The following CSMD1 variants were observed in gnomAD, a reference collection of about 807,000 sequenced individuals.
The protein encoded by CSMD1 is CUB and Sushi multiple domains 1.
In CSMD1, 213 loss-of-function variants were observed where a neutral mutation model predicts 417.5. The ratio of observed to expected loss-of-function variants is 0.51; its 90% CI spans 0.46 to 0.57. The LOEUF is 0.57. CSMD1 is among the 20% of genes least tolerant of loss of function. The pLI is 0.00. For missense variants in CSMD1, 6,923 were observed against 4,529.7 expected (o/e 1.53, Z -15.17); for synonymous variants, 2,862 against 1,736.8 (o/e 1.65, Z -16.11).
At chr8:3,591,536 A>T (rs1166916433) in intron 8 of CSMD1, among the ~76,000 whole-genome samples, 1 of 152,176 alleles carries the variant, frequency 6.6e-6, no homozygotes, top group African/African-American at 2.4e-5. Context: ...CTAATGTTCA[A>T]AACAGGAAAT....
intron 6 of CSMD1, among the ~76,000 whole-genome samples, chr8:3,714,088 T>A (rs575430436): frequency 4.3e-4 from 65 of 150,612 alleles, no homozygotes; most frequent in African/African-American, 1.5e-3. Context: ...ATGTATATAA[T>A]CATGTATATA....
At chr8:4,532,220 T>G (rs553838662) in intron 2 of CSMD1, among the ~76,000 whole-genome samples, 1 of 129,878 alleles carries the variant, frequency 7.7e-6, no homozygotes, top group East Asian at 2.4e-4. Context: ...GCACCCCCAT[T>G]CACAGTCACT....
intron 12 of CSMD1, among the ~76,000 whole-genome samples, chr8:3,446,709 A>C (rs749346100): frequency 9.2e-5 from 14 of 152,228 alleles, no homozygotes; most frequent in Non-Finnish European, 1.6e-4. Context: ...CATTCTTGAA[A>C]ACTATTTTAC....
At chr8:4,678,602 A>G (rs561092728) in intron 1 of CSMD1, among the ~76,000 whole-genome samples, 1 of 152,340 alleles carries the variant, frequency 6.6e-6, no homozygotes, top group South Asian at 2.1e-4. Context: ...GAAATAAATT[A>G]CAATATGCAT....
At chr8:3,404,495 C>T (rs529233739) in intron 15 of CSMD1, among the ~76,000 whole-genome samples, 2 of 152,252 alleles carry the variant, frequency 1.3e-5, no homozygotes, top group East Asian at 3.9e-4. Context: ...GACCCCAGCT[C>T]TGCTTAGAGT....
intron 3 of CSMD1, among the ~76,000 whole-genome samples, chr8:4,187,376 G>T (rs771392921): frequency 1.3e-5 from 2 of 152,162 alleles, no homozygotes; most frequent in Admixed American, 6.5e-5. Flanking sequence ...GCCAGGCACG[G>T]TGGCTGATGC....
chr8:3,165,785 G>A (rs918292689), intron 37 of CSMD1, among the ~76,000 whole-genome samples: 2 of 152,042 alleles, frequency 1.3e-5, no homozygotes, highest in Non-Finnish European at 2.9e-5. Flanking sequence ...GACAGTGATG[G>A]GGATGTTAAA....
At chr8:4,462,240 T>C (rs1799880129) in intron 2 of CSMD1, among the ~76,000 whole-genome samples, 1 of 151,892 alleles carries the variant, frequency 6.6e-6, no homozygotes, top group Non-Finnish European at 1.5e-5. Context: ...AAGAAAACAA[T>C]CCCTTTACCA....
chr8:3,567,869 C>T (rs187493945), intron 10 of CSMD1, among the ~76,000 whole-genome samples: 2 of 152,224 alleles, frequency 1.3e-5, no homozygotes, highest in East Asian at 3.9e-4. Context: ...TAGTTGGACT[C>T]CTTATCCTCA....
chr8:4,762,773 G>C (rs765182544), intron 1 of CSMD1, among the ~76,000 whole-genome samples: 1 of 152,014 alleles, frequency 6.6e-6, no homozygotes, highest in Non-Finnish European at 1.5e-5. Flanking sequence ...TCTCCTCTGA[G>C]CTCTTTGAAA....
chr8:3,289,649 C>A (rs1243713809), intron 25 of CSMD1, among the ~76,000 whole-genome samples: 1 of 143,668 alleles, frequency 7.0e-6, no homozygotes, highest in Non-Finnish European at 1.5e-5. Flanking sequence ...TGTTCATATC[C>A]TTTGCCCACT....
At chr8:3,365,333 T>A (rs1222236291) in intron 20 of CSMD1, among the ~76,000 whole-genome samples, 1 of 152,146 alleles carries the variant, frequency 6.6e-6, no homozygotes, top group African/African-American at 2.4e-5. Context: ...CTAGGTAGAA[T>A]TAGAGGGAGT....
intron 5 of CSMD1, among the ~76,000 whole-genome samples, chr8:3,796,591 A>G (rs964026683): frequency 2.7e-5 from 4 of 146,890 alleles, no homozygotes; most frequent in Non-Finnish European, 4.5e-5. Context: ...TAATATATAG[A>G]TATATATCTA....
At chr8:4,747,567 A>G (rs1022920369) in intron 1 of CSMD1, among the ~76,000 whole-genome samples, 6 of 152,202 alleles carry the variant, frequency 3.9e-5, no homozygotes, top group Non-Finnish European at 8.8e-5. Context: ...TACGGTGACT[A>G]TATTGTCACC....
Position 4,078,838 on chromosome 8 carries a change from T to A in CSMD1, c.416-46739A>T, listed in dbSNP as rs371688462. ...ATTACTTGAGGTCAGGAGTTCAAGA[T>A]TATGTTGGCCAACGTAGTGAAAACC... is the stretch of plus-strand genomic sequence containing the variant. On this transcript the variant is annotated intron_variant, in intron 3 of 69. Coordinates refer to ENST00000635120, the MANE Select transcript of CSMD1 (RefSeq NM_033225.6). Among the ~76,000 whole-genome samples, 168 of 146,186 alleles carry A rather than the reference T, an allele frequency of 1.1e-3. 4 individuals are homozygous for A. In the East Asian group the frequency reaches 0.028, roughly 24 times the overall value.
rs183953121 is a variant in CSMD1, at chr8:4,137,735, T to C, written c.416-105636A>G. Among the ~76,000 whole-genome samples the C allele has an allele frequency of 1.3e-4, 11 of 81,848 alleles. 3 individuals are homozygous for C. The highest frequency in any genetic ancestry group is 3.2e-4 in the African/African-American group (11 of 34,544). The allele number at this position is 81,848 out of a possible 152,430, so 53.7% of individuals were successfully genotyped here. A position where few individuals can be genotyped will look rare whatever the true frequency, so the allele number is the denominator to read the frequency against. On this transcript the variant is annotated intron_variant, in intron 3 of 69. Coordinates refer to ENST00000635120, the MANE Select transcript of CSMD1 (RefSeq NM_033225.6). ...AAAGATACTGTATTTCACGATGTTG[T>C]ATTTTATATAAAATTACACTTTCCT...
chr8:4,530,215 C>T (rs903836383), intron 2 of CSMD1, among the ~76,000 whole-genome samples: 21 of 150,648 alleles, frequency 1.4e-4, no homozygotes, highest in African/African-American at 4.6e-4. Flanking sequence ...GCCAGGCCTG[C>T]CATTGTTATT....
At chr8:4,881,134 C>A (rs866855466) in intron 1 of CSMD1, among the ~76,000 whole-genome samples, 22 of 152,042 alleles carry the variant, frequency 1.4e-4, no homozygotes, top group African/African-American at 4.8e-4. Context: ...CAATTATAAT[C>A]TTGATTTAAT....
intron 3 of CSMD1, among the ~76,000 whole-genome samples, chr8:4,198,992 C>G (rs1174505067): frequency 6.6e-6 from 1 of 151,756 alleles, no homozygotes; most frequent in Non-Finnish European, 1.5e-5. Context: ...TCCTGTAATC[C>G]TTTGCAAATG....
Sources: allele counts gnomAD v4.1 joint callset (sites outside exome capture counted in the v4.1 genomes callset), GRCh38; gene constraint gnomAD v4.1.1; transcripts MANE v1.5; gene names NCBI Gene and HGNC (gene_info 2026-07-23, HGNC 2026-07-21).